Variants in SLC4A4 observed in about 807,000 individuals in gnomAD.
The protein encoded by SLC4A4 is solute carrier family 4 member 4.
A neutral mutation model predicts 111.5 loss-of-function variants in SLC4A4; 27 were observed. The ratio of observed to expected loss-of-function variants is 0.24; its 90% CI spans 0.18 to 0.33. The LOEUF (loss-of-function observed/expected upper bound fraction) is 0.33. Ranked by LOEUF, SLC4A4 falls within the 10% of genes least tolerant of loss-of-function variation. SLC4A4 has a pLI of 1.00. For missense variants in SLC4A4, 909 were observed against 1,315.5 expected (o/e 0.69, Z 4.78); for synonymous variants, 443 against 463.4 (o/e 0.96, Z 0.57).
At chr4:71,254,338 GT>G (rs1437586320) in intron 2 of SLC4A4, among the ~76,000 whole-genome samples, 1 of 152,060 alleles carries the variant, frequency 6.6e-6, no homozygotes, top group Non-Finnish European at 1.5e-5. Context: ...ATTAGATTTT[GT>G]AAAAATAATA....
chr4:71,298,112 G>A (rs1724954430), intron 3 of SLC4A4, among the ~76,000 whole-genome samples: 1 of 152,134 alleles, frequency 6.6e-6, no homozygotes, highest in Non-Finnish European at 1.5e-5. Flanking sequence ...AAAGCATTTT[G>A]TGAACCATAA....
chr4:71,085,710 A>T (rs1196189717), intron 1 of SLC4A4, among the ~76,000 whole-genome samples: 5 of 152,024 alleles, frequency 3.3e-5, no homozygotes, highest in African/African-American at 9.7e-5. Context: ...AAGATCAGAT[A>T]GTTGTAGATT....
rs189532219 is a variant in SLC4A4, at chr4:71,435,385, T to C, written c.808-5231T>C. 3.0e-3 allele frequency among the ~76,000 whole-genome samples: 455 copies of C among 152,326 alleles called. 3 individuals carry two copies. Among genetic ancestry groups the C allele is most frequent in the Non-Finnish European group, 5.0e-3 (341 of 68,024 alleles). On this transcript the variant is annotated intron_variant, in intron 7 of 25. Coordinates refer to ENST00000264485, the MANE Select transcript of SLC4A4 (RefSeq NM_001098484.3). Reference sequence around the variant, plus strand: ...AGAAAACTGAAACTGGATCCCTTCCTTACACCTTATACAAAAATTAAATCA... The same window carrying C: ...AGAAAACTGAAACTGGATCCCTTCCCTACACCTTATACAAAAATTAAATCA...
chr4:71,197,272 G>A (rs1434926453), intron 1 of SLC4A4, among the ~76,000 whole-genome samples: 1 of 152,172 alleles, frequency 6.6e-6, no homozygotes, highest in Non-Finnish European at 1.5e-5. Flanking sequence ...TGCAGTAGCT[G>A]TGATCATTGC....
intron 5 of SLC4A4, among the ~76,000 whole-genome samples, chr4:71,354,896 A>G (rs544532978): frequency 1.3e-5 from 2 of 152,272 alleles, no homozygotes; most frequent in South Asian, 2.1e-4. Flanking sequence ...CAGCTCTGCT[A>G]TCATCTAGTG....
intron 3 of SLC4A4, among the ~76,000 whole-genome samples, chr4:71,324,758 A>T (rs1727382466): frequency 6.6e-6 from 1 of 151,992 alleles, no homozygotes; most frequent in South Asian, 2.1e-4. Flanking sequence ...CCCCAGGTAG[A>T]TTATTTTTCT....
chr4:71,559,667 T>G (rs146716103), intron 22 of SLC4A4, among the ~76,000 whole-genome samples: 1,605 of 152,008 alleles, frequency 0.011, 16 homozygotes, highest in Non-Finnish European at 0.016. Flanking sequence ...TAGTGTTATA[T>G]GTGTCGTACA....
chr4:71,313,378 A>G (rs1349896066), intron 3 of SLC4A4, among the ~76,000 whole-genome samples: 1 of 152,200 alleles, frequency 6.6e-6, no homozygotes, highest in Non-Finnish European at 1.5e-5. Context: ...ATTCAGTGCT[A>G]TCCACATCAA....
At chr4:71,312,114 C>T (rs1263185385) in intron 3 of SLC4A4, among the ~76,000 whole-genome samples, 3 of 152,086 alleles carry the variant, frequency 2.0e-5, no homozygotes, top group Admixed American at 2.0e-4. Context: ...CACAGAAATA[C>T]CAACTACCAT....
intron 16 of SLC4A4, among the ~76,000 whole-genome samples, chr4:71,505,766 A>G (rs1252253744): frequency 6.6e-6 from 1 of 152,018 alleles, no homozygotes; most frequent in African/African-American, 2.4e-5. Flanking sequence ...ATCTTTGCCC[A>G]TGCCTGTGTC....
intron 2 of SLC4A4, among the ~76,000 whole-genome samples, chr4:71,113,491 C>T (rs1743153589): frequency 6.6e-6 from 1 of 152,194 alleles, no homozygotes; most frequent in Admixed American, 6.5e-5. Context: ...TCCCAGGAGA[C>T]TTTCCTTATG....
chr4:71,541,324 C>T lies in SLC4A4; in HGVS notation c.2443-5026C>T, dbSNP rs142667521. ...GTCAGGGACAAGAGAAAAACAGGGACGTTTGTGGTGAGAGCAGCATTGAGG... is the reference window on the plus strand; with the variant it reads ...GTCAGGGACAAGAGAAAAACAGGGATGTTTGTGGTGAGAGCAGCATTGAGG... On this transcript the variant is annotated intron_variant, in intron 18 of 25. Transcript: ENST00000264485. 2.4e-3 allele frequency among the ~76,000 whole-genome samples: 358 copies of T among 152,022 alleles called. 3 individuals are homozygous for T. Among genetic ancestry groups the T allele is most frequent in the Non-Finnish European group, 2.2e-3 (148 of 67,970 alleles).
chr4:71,370,738 A>G (rs147116126), intron 6 of SLC4A4, among the ~76,000 whole-genome samples: 5 of 152,318 alleles, frequency 3.3e-5, no homozygotes, highest in Admixed American at 1.3e-4. Flanking sequence ...AAGAAATTCT[A>G]GCTGTTTTTA....
chr4:71,338,769 A>T (rs1728637436), intron 3 of SLC4A4, among the ~76,000 whole-genome samples: 1 of 150,934 alleles, frequency 6.6e-6, no homozygotes. Context: ...TTTCAAGTGC[A>T]TTGAAGTGTG....
intron 15 of SLC4A4, among the ~76,000 whole-genome samples, chr4:71,491,603 G>T (rs1729918861): frequency 6.6e-6 from 1 of 151,708 alleles, no homozygotes; most frequent in Admixed American, 6.6e-5. Flanking sequence ...TCCTGTCTAG[G>T]GATAGTTCCT....
chr4:71,490,244 G>A (rs905328224), intron 15 of SLC4A4, among the ~76,000 whole-genome samples: 2 of 151,786 alleles, frequency 1.3e-5, no homozygotes, highest in Non-Finnish European at 2.9e-5. Context: ...CTCAGAGTGT[G>A]AGACACCAGA....
chr4:71,256,100 G>T (rs1721431048), intron 3 of SLC4A4, among the ~76,000 whole-genome samples: 1 of 152,110 alleles, frequency 6.6e-6, no homozygotes, highest in South Asian at 2.1e-4. Context: ...TTGGCTACAT[G>T]GGCCAAATAT....
In SLC4A4 at chr4:71,532,127, C is replaced by T. The variant is rs773301048; in HGVS notation, c.2232C>T (p.Ala744=). The T allele has an allele frequency of 1.2e-6, 2 of 1,612,976 alleles. No individual in the cohort carries two copies. The highest frequency in any genetic ancestry group is 1.7e-6 in the Non-Finnish European group (2 of 1,179,278). The change falls in exon 17 of 26, where the codon GCC becomes GCT. Residue 744 remains alanine, a synonymous_variant. Coordinates refer to ENST00000264485, the MANE Select transcript of SLC4A4 (RefSeq NM_001098484.3). ...TTCTCATCTTTTGTGTAATAGATGC[C>T]CTAGTAGGCGTGGACACCCCAAAAC... ...LSILIFCVID[A]LVGVDTPKLI...
At chr4:71,140,987 A>T (rs1743978245) in intron 2 of SLC4A4, among the ~76,000 whole-genome samples, 1 of 152,208 alleles carries the variant, frequency 6.6e-6, no homozygotes, top group Non-Finnish European at 1.5e-5. Flanking sequence ...CATTACCTCA[A>T]ATACTTAGCA....
Sources: allele counts gnomAD v4.1 joint callset (sites outside exome capture counted in the v4.1 genomes callset), GRCh38; gene constraint gnomAD v4.1.1; transcripts MANE v1.5; gene names NCBI Gene and HGNC (gene_info 2026-07-23, HGNC 2026-07-21).